The following RIMS2 variants were observed in gnomAD, a reference collection of about 807,000 sequenced individuals.
RIMS2 encodes regulating synaptic membrane exocytosis 2.
Under a neutral mutation model 174.4 loss-of-function variants are expected in RIMS2, and 59 were observed. The ratio of observed to expected loss-of-function variants is 0.34; its 90% CI spans 0.27 to 0.42. RIMS2 has a LOEUF of 0.42. Ranked by LOEUF, RIMS2 falls within the 10% of genes least tolerant of loss-of-function variation. The pLI, the probability that RIMS2 is intolerant of heterozygous loss-of-function variation, is 1.00. For missense variants in RIMS2, 1,620 were observed against 1,666.3 expected (o/e 0.97, Z 0.48); for synonymous variants, 606 against 572.5 (o/e 1.06, Z -0.84).
At chr8:103,647,577 A>G (rs935406591) in intron 1 of RIMS2, among the ~76,000 whole-genome samples, 1 of 152,118 alleles carries the variant, frequency 6.6e-6, no homozygotes, top group Non-Finnish European at 1.5e-5. Flanking sequence ...TTGGTAGGCT[A>G]TCTATTACTG....
At chr8:103,937,105 A>T (rs1272118773) in intron 13 of RIMS2, among the ~76,000 whole-genome samples, 3 of 149,454 alleles carry the variant, frequency 2.0e-5, no homozygotes, top group Non-Finnish European at 3.0e-5. Flanking sequence ...CTCAAAAAAA[A>T]AATAATTAAA....
intron 19 of RIMS2, among the ~76,000 whole-genome samples, chr8:104,089,996 G>A (rs2097610760): frequency 1.3e-5 from 2 of 151,386 alleles, no homozygotes; most frequent in Non-Finnish European, 3.0e-5. Context: ...CTGGCCTTCA[G>A]GAGTTTGTAG....
intron 4 of RIMS2, among the ~76,000 whole-genome samples, chr8:103,896,400 C>G (rs1421392141): frequency 6.6e-6 from 1 of 151,532 alleles, no homozygotes; most frequent in Admixed American, 6.6e-5. Context: ...ATGGAAGCAA[C>G]GCTAGGTAAG....
intron 3 of RIMS2, among the ~76,000 whole-genome samples, chr8:103,853,738 C>T (rs901633450): frequency 6.6e-6 from 1 of 152,046 alleles, no homozygotes; most frequent in African/African-American, 2.4e-5. Context: ...TTCCATTGGT[C>T]TATGTGTTTG....
intron 1 of RIMS2, among the ~76,000 whole-genome samples, chr8:103,520,923 CAAT>C (rs1831347550): frequency 1.3e-5 from 2 of 151,970 alleles, no homozygotes; most frequent in South Asian, 4.2e-4. Flanking sequence ...AATGTAATAA[CAAT>C]AATAGTTTTT....
At chr8:103,979,769 A>T (rs2154549046) in intron 16 of RIMS2, among the ~76,000 whole-genome samples, 1 of 152,288 alleles carries the variant, frequency 6.6e-6, no homozygotes, top group African/African-American at 2.4e-5. Context: ...GAGTCTGTGC[A>T]TTTGGGAGAG....
chr8:103,573,132 C>T (rs1391285443), intron 1 of RIMS2, among the ~76,000 whole-genome samples: 1 of 151,934 alleles, frequency 6.6e-6, no homozygotes, highest in Non-Finnish European at 1.5e-5. Flanking sequence ...GATCCTGGCT[C>T]AGGTCCTCTG....
At chr8:104,240,165 A>G (rs1274813945) in intron 19 of RIMS2, among the ~76,000 whole-genome samples, 1 of 152,204 alleles carries the variant, frequency 6.6e-6, no homozygotes, top group African/African-American at 2.4e-5. Flanking sequence ...GGTGTGGTTC[A>G]GTTACGCCCA....
chr8:104,207,281 G>A (rs1281352458), intron 19 of RIMS2, among the ~76,000 whole-genome samples: 1 of 152,140 alleles, frequency 6.6e-6, no homozygotes, highest in Non-Finnish European at 1.5e-5. Context: ...AGCAAATAGA[G>A]ACTGGAAGAT....
At chr8:104,244,940 G>A in exon 20 of RIMS2, 2 of 1,613,772 alleles carry the variant, frequency 1.2e-6, no homozygotes, top group Non-Finnish European at 1.7e-6. Context: ...AAACTAAGGA[G>A]CACTGTCCAA....
intron 19 of RIMS2, among the ~76,000 whole-genome samples, chr8:104,191,187 T>C (rs374183429): frequency 6.6e-6 from 1 of 152,124 alleles, no homozygotes; most frequent in East Asian, 1.9e-4. Flanking sequence ...ATTTTGAGGG[T>C]ATTTATGGTG....
intron 19 of RIMS2, among the ~76,000 whole-genome samples, chr8:104,176,193 T>C (rs576839304): frequency 5.2e-4 from 79 of 152,278 alleles, no homozygotes; most frequent in Admixed American, 9.8e-4. Flanking sequence ...TGTGCTCCCT[T>C]ACTTCTTGTT....
At chr8:104,242,127 G>A (rs1287573805) in intron 19 of RIMS2, among the ~76,000 whole-genome samples, 1 of 152,046 alleles carries the variant, frequency 6.6e-6, no homozygotes, top group Non-Finnish European at 1.5e-5. Flanking sequence ...ATGTATATCA[G>A]GATGTACTCT....
intron 19 of RIMS2, among the ~76,000 whole-genome samples, chr8:104,159,504 A>T (rs1045363856): frequency 6.6e-6 from 1 of 152,162 alleles, no homozygotes; most frequent in Admixed American, 6.5e-5. Context: ...ACTGGTTTTC[A>T]TAGCAGCTGT....
intron 1 of RIMS2, among the ~76,000 whole-genome samples, chr8:103,638,911 CATCT>C (rs1314120989): frequency 1.3e-5 from 2 of 151,906 alleles, no homozygotes; most frequent in Non-Finnish European, 2.9e-5. Flanking sequence ...TTTATTTATT[CATCT>C]ATCATCTATC....
intron 19 of RIMS2, among the ~76,000 whole-genome samples, chr8:104,226,602 C>T (rs898627881): frequency 2.0e-5 from 3 of 152,164 alleles, no homozygotes; most frequent in Middle Eastern, 3.2e-3. Context: ...GAAATAACTA[C>T]ATAATTATAA....
chr8:103,943,481 C>T (rs1215862022), intron 14 of RIMS2, among the ~76,000 whole-genome samples: 3 of 152,018 alleles, frequency 2.0e-5, no homozygotes, highest in African/African-American at 7.2e-5. Flanking sequence ...AATAGTAATA[C>T]CTGCATTACA....
chr8:103,723,372 T>C (rs769279600), intron 2 of RIMS2, among the ~76,000 whole-genome samples: 1 of 152,238 alleles, frequency 6.6e-6, no homozygotes, highest in Non-Finnish European at 1.5e-5. Context: ...GAAAGCCCTT[T>C]ACCAGTTAGC....
intron 1 of RIMS2, among the ~76,000 whole-genome samples, chr8:103,628,596 T>C (rs4467911): frequency 0.19 from 29,406 of 151,724 alleles, 3,044 homozygotes; most frequent in Middle Eastern, 0.3. Flanking sequence ...TCAGGTGATC[T>C]GCCCACCTTG....
Sources: allele counts gnomAD v4.1 joint callset (sites outside exome capture counted in the v4.1 genomes callset), GRCh38; gene constraint gnomAD v4.1.1; transcripts MANE v1.5; gene names NCBI Gene and HGNC (gene_info 2026-07-23, HGNC 2026-07-21).